The following SLC39A12 variants were observed in gnomAD, a reference collection of about 807,000 sequenced individuals.
SLC39A12 encodes zinc transporter ZIP12.
SLC39A12 carries 63 observed loss-of-function variants against 71.1 expected under a neutral mutation model. The observed-to-expected ratio is 0.89, with a 90% CI of 0.72 to 1.09. SLC39A12 has a LOEUF of 1.09. Among genes scored for constraint, SLC39A12 ranks in the 50% least tolerant of loss-of-function variants. The pLI is 0.00. For missense variants in SLC39A12, 892 were observed against 812.6 expected, an observed-to-expected ratio of 1.10 and a Z score of -1.19; for synonymous variants, 351 against 301.3, an observed-to-expected ratio of 1.16 and a Z score of -1.71.
rs759757417 is a variant in SLC39A12, at chr10:17,965,661, T to G, written c.722T>G (p.Leu241Trp). Residue 241 changes from leucine (L) to tryptophan (W), a missense_variant, in exon 4 of 13, where the codon TTG (leucine) becomes TGG (tryptophan). Transcript: ENST00000377369. ...DYFTEYIFSS[L>W]NRTNTLRLSE... The stretch of plus-strand genomic sequence containing the variant: ...TTTACAGAATATATTTTCAGTTCCT[T>G]GAATCGTACGAATACCCTCCGCCTA... The G allele has an allele frequency of 6.2e-7, 1 of 1,614,094 alleles. No homozygotes were observed. Among genetic ancestry groups the G allele is most frequent in the South Asian group, 1.1e-5 (1 of 91,070 alleles).
rs1554848383 is a variant in SLC39A12, at chr10:17,961,606, T to C, written c.287T>C (p.Leu96Pro). 6.2e-7 allele frequency: 1 copy of C among 1,613,592 alleles called. No individual in the cohort carries two copies. Among genetic ancestry groups the C allele is most frequent in the Non-Finnish European group, 8.5e-7 (1 of 1,179,892 alleles). Residue 96 changes from leucine (L) to proline (P), a missense_variant, in exon 3 of 13, where the codon CTA becomes CCA. By Grantham distance (98) the Leu-to-Pro change is moderately conservative. Coordinates refer to ENST00000377369, the MANE Select transcript of SLC39A12 (RefSeq NM_001145195.2). ...NLCFEPDALL[L>P]IAGGNFEDQL... ...TGCTTTGAACCAGATGCACTATTAC[T>C]AATAGCTGGAGGAAATTTTGAAGAT...
At chr10:18,023,052 C>T (rs1836577994) in intron 12 of SLC39A12, among the ~76,000 whole-genome samples, 1 of 152,050 alleles carries the variant, frequency 6.6e-6, no homozygotes, top group African/African-American at 2.4e-5. Context: ...GTGTAGGCTC[C>T]TCTCCTACTT....
Position 17,991,178 on chromosome 10 carries a change from C to G in SLC39A12, c.1297C>G (p.Pro433Ala). The change falls in exon 8 of 13, where the codon CCA becomes GCA. Residue 433 changes from proline to alanine, a missense_variant. Transcript: ENST00000377369. ...QVLGLHKQEA[P>A]EFGHFHESKG... is the part of the protein sequence containing the mutation. The stretch of plus-strand genomic sequence containing the variant: ...TCTTGGTTTACATAAGCAGGAAGCC[C>G]CAGAATTTGGGCATTTCCATGAAAG... 1 of 1,563,212 alleles carries G rather than the reference C, an allele frequency of 6.4e-7. No individual in the cohort carries two copies. Among genetic ancestry groups the G allele is most frequent in the Non-Finnish European group, 8.6e-7 (1 of 1,161,262 alleles).
At chr10:18,036,794 A>ATATTTTTTTTT (rs1554855475) in intron 12 of SLC39A12, among the ~76,000 whole-genome samples, 3 of 92,894 alleles carry the variant, frequency 3.2e-5, no homozygotes, top group African/African-American at 9.0e-5. Context: ...ATATATATAT[A>ATATTTTTTTTT]TTTTTTTTTT....
intron 12 of SLC39A12, among the ~76,000 whole-genome samples, chr10:18,034,760 TG>T (rs1226415806): frequency 6.6e-6 from 1 of 151,596 alleles, no homozygotes; most frequent in African/African-American, 2.4e-5. Context: ...CTTTACATTT[TG>T]GCATGATTTT....
At chr10:17,957,855 T>C (rs1359406516) in intron 2 of SLC39A12, among the ~76,000 whole-genome samples, 1 of 152,186 alleles carries the variant, frequency 6.6e-6, no homozygotes, top group Non-Finnish European at 1.5e-5. Flanking sequence ...GATTCAAATA[T>C]TATAAAAGGG....
Position 18,003,152 on chromosome 10 carries a change from C to T in SLC39A12, c.1760-19C>T. On this transcript the variant is annotated intron_variant, in intron 11 of 12. Transcript: ENST00000377369. ...TCCATTAAATGATAATTATATTTTC[C>T]TTTCCTCTTAAACTTCAGGAGACTT... 6.2e-7 allele frequency: 1 copy of T among 1,602,722 alleles called. No homozygotes were observed. The highest frequency in any genetic ancestry group is 1.1e-5 in the South Asian group (1 of 88,962).
Position 17,961,754 on chromosome 10 carries a change from C to A in SLC39A12, c.435C>A (p.His145Gln), listed in dbSNP as rs139205048. The change falls in exon 3 of 13, where the codon CAC (histidine) becomes CAA (glutamine). Residue 145 changes from histidine (H) to glutamine (Q), a missense_variant. Coordinates refer to ENST00000377369, the MANE Select transcript of SLC39A12 (RefSeq NM_001145195.2). ...ATAAAGAGTATAAATTTTACCTACACAGCCTACTGAGCCTCAGGCAGGATG... is the reference window on the plus strand; with the variant it reads ...ATAAAGAGTATAAATTTTACCTACAAAGCCTACTGAGCCTCAGGCAGGATG... The part of the protein sequence containing the change: ...MSNKEYKFYL[H>Q]SLLSLRQDED... 62 of 1,613,914 alleles carry A rather than the reference C, an allele frequency of 3.8e-5. No individual in the cohort carries two copies. The highest frequency in any genetic ancestry group is 5.0e-5 in the Non-Finnish European group (59 of 1,179,946).
At chr10:18,002,969 T>G (rs576895761) in intron 11 of SLC39A12, 13 of 515,968 alleles carry the variant, frequency 2.5e-5, no homozygotes, top group African/African-American at 2.5e-4. Context: ...ATGGAACTCT[T>G]GAAATGCAAC....
At chr10:18,028,880 C>T (rs370356389) in intron 12 of SLC39A12, among the ~76,000 whole-genome samples, 1 of 152,072 alleles carries the variant, frequency 6.6e-6, no homozygotes, top group Non-Finnish European at 1.5e-5. Flanking sequence ...CCACCACACT[C>T]GGCTAATTTT....
intron 12 of SLC39A12, among the ~76,000 whole-genome samples, chr10:18,013,370 A>G (rs1315529023): frequency 2.0e-5 from 3 of 148,164 alleles, no homozygotes; most frequent in Non-Finnish European, 3.0e-5. Context: ...TATTATTATT[A>G]TTATTATTAT....
intron 12 of SLC39A12, among the ~76,000 whole-genome samples, chr10:18,038,000 C>G (rs528218056): frequency 4.7e-4 from 51 of 107,976 alleles, no homozygotes; most frequent in African/African-American, 1.8e-3. Flanking sequence ...AGCCTAGTGA[C>G]AGAGTGAGCC....
chr10:17,985,334 C>G (rs1387180454), intron 6 of SLC39A12, among the ~76,000 whole-genome samples: 1 of 151,986 alleles, frequency 6.6e-6, no homozygotes, highest in Non-Finnish European at 1.5e-5. Flanking sequence ...AAGAGCAAGA[C>G]TGTCTCAAAA....
chr10:18,028,478 C>G (rs1392531262), intron 12 of SLC39A12, among the ~76,000 whole-genome samples: 2 of 152,162 alleles, frequency 1.3e-5, no homozygotes, highest in East Asian at 3.9e-4. Flanking sequence ...TCATGAGAGT[C>G]TGAAACTCAG....
At chr10:18,024,886 CT>C (rs1486140516) in intron 12 of SLC39A12, among the ~76,000 whole-genome samples, 1 of 152,176 alleles carries the variant, frequency 6.6e-6, no homozygotes, top group Non-Finnish European at 1.5e-5. Flanking sequence ...ACTATCCTTG[CT>C]CTGAATTCTG....
At chr10:18,005,145 G>C (rs754485801) in intron 12 of SLC39A12, among the ~76,000 whole-genome samples, 20 of 151,930 alleles carry the variant, frequency 1.3e-4, no homozygotes, top group Non-Finnish European at 2.5e-4. Context: ...CTAGGTGATG[G>C]GTTGATAGGT....
intron 12 of SLC39A12, among the ~76,000 whole-genome samples, chr10:18,022,718 G>A (rs1037363181): frequency 6.6e-6 from 1 of 152,168 alleles, no homozygotes; most frequent in Non-Finnish European, 1.5e-5. Flanking sequence ...TGATTTTAGA[G>A]TTGCCAGGGT....
intron 11 of SLC39A12, among the ~76,000 whole-genome samples, chr10:18,001,254 C>T (rs752413003): frequency 1.1e-4 from 17 of 152,204 alleles, no homozygotes; most frequent in Non-Finnish European, 2.9e-5. Context: ...GTGGCTCACA[C>T]CTGTAATCCC....
intron 2 of SLC39A12, among the ~76,000 whole-genome samples, chr10:17,955,023 A>G (rs1834504873): frequency 6.6e-6 from 1 of 152,210 alleles, no homozygotes; most frequent in East Asian, 1.9e-4. Context: ...TATAGATGGC[A>G]ACACAAGATG....
Sources: gnomAD v4.1 joint callset for allele counts (sites outside exome capture counted in the v4.1 genomes callset) on GRCh38, gnomAD v4.1.1 for gene constraint, MANE v1.5 for transcripts, NCBI Gene and HGNC (gene_info 2026-07-23, HGNC 2026-07-21) for gene names.